The following HYAL4 variants were observed in gnomAD, a reference collection of about 807,000 sequenced individuals.
HYAL4 encodes hyaluronidase 4.
HYAL4 carries 37 observed loss-of-function variants against 35.2 expected under a neutral mutation model. That is an observed-to-expected ratio of 1.05 (90% CI 0.81 to 1.38). HYAL4 has a LOEUF of 1.38. Ranked by LOEUF, HYAL4 falls within the 40% of genes most tolerant of loss-of-function variation. The probability of loss-of-function intolerance (pLI) is 0.00; values close to 1 mark genes in which losing one functional copy is unlikely to be tolerated. For missense variants in HYAL4, 572 were observed against 572.4 expected (o/e 1.00, Z 0.01); for synonymous variants, 198 against 203.2 (o/e 0.97, Z 0.22).
chr7:123,826,154 A>G (rs1805800890), upstream of HYAL4, among the ~76,000 whole-genome samples: 1 of 152,136 alleles, frequency 6.6e-6, no homozygotes, highest in Admixed American at 6.6e-5. Context: ...GAATGTCAAG[A>G]AAGTTTGCCA....
intron 1 of HYAL4, among the ~76,000 whole-genome samples, chr7:123,832,225 CT>C (rs1444536230): frequency 4.6e-5 from 7 of 152,018 alleles, no homozygotes; most frequent in African/African-American, 1.7e-4. Flanking sequence ...ATTAGAATTT[CT>C]CTTTCTAATG....
At chr7:123,787,122 A>AG in the HYAL4 span, among the ~76,000 whole-genome samples, 22 of 149,498 alleles carry the variant, frequency 1.5e-4, no homozygotes, top group African/African-American at 3.7e-4. Context: ...AAAAAAAAAA[A>AG]AAAAAGAAAA....
Position 123,860,733 on chromosome 7 carries a change from A to G in HYAL4, c.-51-7490A>G, listed in dbSNP as rs73226119. 6.1e-3 allele frequency among the ~76,000 whole-genome samples: 929 copies of G among 152,322 alleles called. 9 individuals carry two copies. Among genetic ancestry groups the G allele is most frequent in the Non-Finnish European group, 9.4e-3 (640 of 68,032 alleles). On this transcript the variant is annotated intron_variant, in intron 2 of 4. Coordinates refer to ENST00000223026, the MANE Select transcript of HYAL4 (RefSeq NM_012269.3). ...TAAGAAGTGCTACAATGAATTACAT[A>G]GAAGCAGAATTTCTTGGTGAAAGGT...
the HYAL4 span, among the ~76,000 whole-genome samples, chr7:123,819,862 T>C: frequency 6.6e-6 from 1 of 152,050 alleles, no homozygotes; most frequent in Non-Finnish European, 1.5e-5. Context: ...TGAGGGCAGA[T>C]TCTCCAAAAA....
chr7:123,839,514 T>G (rs1300856968), intron 1 of HYAL4, among the ~76,000 whole-genome samples: 1 of 152,254 alleles, frequency 6.6e-6, no homozygotes, highest in East Asian at 1.9e-4. Context: ...ATGGGATTGC[T>G]GGGTCAAATG....
rs530682980 is a variant in HYAL4 at position 123,848,493 on chromosome 7, A to G, written c.-52+335A>G. ...TGCACATAGTTTCTGTGATTGCATT[A>G]CTAACCTTAACTTGTGATAGCATCA... On this transcript the variant is annotated intron_variant, in intron 2 of 4. Transcript: ENST00000223026. 1.4e-4 allele frequency among the ~76,000 whole-genome samples: 22 copies of G among 152,324 alleles called. No individual in the cohort carries two copies. The South Asian group carries it at 3.7e-3, about 26-fold the overall frequency.
chr7:123,857,711 TTCTTTCTTTC>T (rs1436761152), intron 2 of HYAL4, among the ~76,000 whole-genome samples: 4 of 150,918 alleles, frequency 2.7e-5, no homozygotes, highest in South Asian at 2.1e-4. Context: ...CTTTCTTTCT[TTCTTTCTTTC>T]TTTCTTTCTT....
At chr7:123,778,159 GTCTATCTATCTA>G in the HYAL4 span, among the ~76,000 whole-genome samples, 235 of 120,820 alleles carry the variant, frequency 1.9e-3, 1 homozygote, top group African/African-American at 3.9e-3. Context: ...CTGTCTGTCT[GTCTATCTATCTA>G]TCTATCTATC....
At chr7:123,839,156 G>A (rs757280544) in intron 1 of HYAL4, among the ~76,000 whole-genome samples, 7 of 151,876 alleles carry the variant, frequency 4.6e-5, no homozygotes, top group Non-Finnish European at 8.8e-5. Flanking sequence ...CCTCTGACAG[G>A]CCACGGTGTG....
In HYAL4 at chr7:123,872,317, G is replaced by A. The variant is rs144091226; in HGVS notation, c.955-2444G>A. ...TAATGGCCTCCTGTTCCATCTGTGAGATGTGCTTTTAAAAATTAACAACAG... is the reference window on the plus strand; with the variant it reads ...TAATGGCCTCCTGTTCCATCTGTGAAATGTGCTTTTAAAAATTAACAACAG... On this transcript the variant is annotated intron_variant, in intron 3 of 4. Coordinates refer to ENST00000223026, the MANE Select transcript of HYAL4 (RefSeq NM_012269.3). 5.9e-5 allele frequency among the ~76,000 whole-genome samples: 9 copies of A among 152,314 alleles called. No homozygotes were observed. In the East Asian group the frequency reaches 1.5e-3, roughly 26 times the overall value.
At chr7:123,826,979 G>A (rs1177854441), upstream of HYAL4, among the ~76,000 whole-genome samples, 1 of 152,136 alleles carries the variant, frequency 6.6e-6, no homozygotes, top group African/African-American at 2.4e-5. Flanking sequence ...TGGGAAGAGG[G>A]TCAGATTATG....
the HYAL4 span, among the ~76,000 whole-genome samples, chr7:123,791,071 T>C: frequency 6.6e-6 from 1 of 152,116 alleles, no homozygotes; most frequent in African/African-American, 2.4e-5. Flanking sequence ...GGCCTGAATA[T>C]CAGTAAGTAT....
At chr7:123,799,991 C>A in the HYAL4 span, among the ~76,000 whole-genome samples, 2 of 151,690 alleles carry the variant, frequency 1.3e-5, no homozygotes, top group Non-Finnish European at 2.9e-5. Context: ...TGAAACCCCG[C>A]CTCTACTAAA....
the HYAL4 span, among the ~76,000 whole-genome samples, chr7:123,822,973 T>C: frequency 2.0e-5 from 3 of 152,126 alleles, no homozygotes; most frequent in African/African-American, 7.2e-5. Flanking sequence ...AGAAAAATAA[T>C]TAAATTAAAA....
intron 2 of HYAL4, among the ~76,000 whole-genome samples, chr7:123,864,652 A>G (rs1806646580): frequency 6.6e-6 from 1 of 151,918 alleles, no homozygotes; most frequent in Non-Finnish European, 1.5e-5. Context: ...GGTGAGGGAA[A>G]GAGGTCTAGG....
the HYAL4 span, among the ~76,000 whole-genome samples, chr7:123,811,761 A>G: frequency 2.0e-5 from 3 of 151,894 alleles, no homozygotes; most frequent in African/African-American, 7.3e-5. Flanking sequence ...GTCTAAGGTA[A>G]TCTAAATTTT....
chr7:123,772,382 A>G, the HYAL4 span, among the ~76,000 whole-genome samples: 4 of 152,200 alleles, frequency 2.6e-5, no homozygotes, highest in Middle Eastern at 6.8e-3. Flanking sequence ...GGGCATCTCA[A>G]TAGGTGGCAA....
the HYAL4 span, among the ~76,000 whole-genome samples, chr7:123,815,465 T>A: frequency 1.3e-5 from 2 of 152,200 alleles, no homozygotes; most frequent in Admixed American, 6.5e-5. Flanking sequence ...ATTTGTATGT[T>A]TTAATTAGCT....
chr7:123,832,822 C>T (rs1390603726), intron 1 of HYAL4, among the ~76,000 whole-genome samples: 1 of 152,116 alleles, frequency 6.6e-6, no homozygotes, highest in Non-Finnish European at 1.5e-5. Context: ...ACTCATAGCT[C>T]AGTTCCCACT....
Sources: allele counts gnomAD v4.1 joint callset (sites outside exome capture counted in the v4.1 genomes callset), GRCh38; gene constraint gnomAD v4.1.1; transcripts MANE v1.5; gene names NCBI Gene and HGNC (gene_info 2026-07-23, HGNC 2026-07-21).